ZFYVE9: variants seen among roughly 807,000 people sequenced by gnomAD.
ZFYVE9 encodes the protein zinc finger FYVE-type containing 9.
A neutral mutation model predicts 126.7 loss-of-function variants in ZFYVE9; 43 were observed. The ratio of observed to expected loss-of-function variants is 0.34; its 90% CI spans 0.27 to 0.44. The LOEUF (loss-of-function observed/expected upper bound fraction) is 0.44. ZFYVE9 is among the 20% of genes least tolerant of loss of function. ZFYVE9 has a pLI of 1.00. For synonymous variants in ZFYVE9, 521 were observed against 597.4 expected, an observed-to-expected ratio of 0.87 and a Z score of 1.87; for missense variants, 1,476 against 1,697.0, an observed-to-expected ratio of 0.87 and a Z score of 2.29.
In ZFYVE9 at chr1:52,233,245, C is replaced by CA. The variant is rs780578009; in HGVS notation, c.41dup (p.Val15GlyfsTer4). The CA allele has an allele frequency of 1.3e-6, 2 of 1,584,892 alleles. No homozygotes were observed. Among genetic ancestry groups the CA allele is most frequent in the African/African-American group, 2.7e-5 (2 of 74,270 alleles). ...TCCAAGCAGAAGCTTACAACCTGGA[C>CA]AAGGTGTTAGATGAATTTGAACAAA... On this transcript the variant is annotated frameshift_variant, in exon 3 of 19. Coordinates refer to ENST00000287727, the MANE Select transcript of ZFYVE9 (RefSeq NM_004799.4). LOFTEE classifies it high-confidence loss of function.
chr1:52,277,680 C>T (rs1645761414), intron 8 of ZFYVE9, among the ~76,000 whole-genome samples: 1 of 152,156 alleles, frequency 6.6e-6, no homozygotes, highest in Non-Finnish European at 1.5e-5. Context: ...ATAAGACCAA[C>T]CAAGCAACAT....
intron 13 of ZFYVE9, among the ~76,000 whole-genome samples, chr1:52,330,448 C>G (rs1444967252): frequency 6.6e-6 from 1 of 152,144 alleles, no homozygotes; most frequent in Non-Finnish European, 1.5e-5. Flanking sequence ...TACGGTATTT[C>G]CTGATTATAT....
intron 1 of ZFYVE9, chr1:52,179,860 C>G (rs559061843): frequency 1.4e-6 from 1 of 710,886 alleles, no homozygotes; most frequent in African/African-American, 1.8e-5. Flanking sequence ...AGGACCCCAA[C>G]GCAGACACTG....
intron 13 of ZFYVE9, among the ~76,000 whole-genome samples, chr1:52,325,942 C>A (rs1646287602): frequency 1.3e-5 from 2 of 152,192 alleles, no homozygotes; most frequent in Non-Finnish European, 1.5e-5. Flanking sequence ...GCAGCATAAT[C>A]ATTCATAGAA....
At chr1:52,182,240 T>C (rs1305445389) in intron 1 of ZFYVE9, among the ~76,000 whole-genome samples, 1 of 152,188 alleles carries the variant, frequency 6.6e-6, no homozygotes, top group Non-Finnish European at 1.5e-5. Context: ...CCACCCCGTC[T>C]GGGAGGTGTG....
chr1:52,283,448 C>T (rs548820983), intron 10 of ZFYVE9, among the ~76,000 whole-genome samples: 12 of 152,084 alleles, frequency 7.9e-5, no homozygotes, highest in Non-Finnish European at 1.2e-4. Context: ...GATCAAAGTC[C>T]GTGAGTCTGG....
chr1:52,184,630 C>T (rs867006397), intron 1 of ZFYVE9, among the ~76,000 whole-genome samples: 8 of 151,510 alleles, frequency 5.3e-5, no homozygotes, highest in Non-Finnish European at 1.0e-4. Flanking sequence ...GGTCCTCAAT[C>T]AGATACTTAA....
Position 52,263,860 on chromosome 1 carries a change from G to A in ZFYVE9, c.2266G>A (p.Val756Met). Residue 756 changes from valine to methionine, a missense_variant, in exon 5 of 19, where the codon GTG becomes ATG. By Grantham distance (21) the Val-to-Met change is conservative. Transcript: ENST00000287727. ...EARVCVICHS[V>M]LMNAQAWENM... ...TAGAGTGTGTGTAATCTGCCATTCA[G>A]TGCTAATGAATGGTAAGTATTAAAA... The A allele has an allele frequency of 6.3e-7, 1 of 1,581,396 alleles. No homozygotes were observed. Among genetic ancestry groups the A allele is most frequent in the Non-Finnish European group, 8.6e-7 (1 of 1,159,654 alleles).
intron 13 of ZFYVE9, among the ~76,000 whole-genome samples, chr1:52,314,501 G>C (rs1569737410): frequency 6.6e-6 from 1 of 152,158 alleles, no homozygotes; most frequent in Non-Finnish European, 1.5e-5. Context: ...GGCTAACATG[G>C]TGAAAGCCCC....
At chr1:52,338,558 TC>T (rs1167652919) in intron 16 of ZFYVE9, among the ~76,000 whole-genome samples, 1 of 152,226 alleles carries the variant, frequency 6.6e-6, no homozygotes, top group African/African-American at 2.4e-5. Context: ...GAACTTTGTA[TC>T]CTTTCTCAAA....
chr1:52,320,889 AT>A (rs537980060), intron 13 of ZFYVE9, among the ~76,000 whole-genome samples: 74 of 150,134 alleles, frequency 4.9e-4, no homozygotes, highest in South Asian at 1.7e-3. Context: ...AAAATACATC[AT>A]TTTTTTTTTC....
Position 52,288,465 on chromosome 1 carries a change from C to T in ZFYVE9, c.3026-4988C>T, listed in dbSNP as rs993702631. Among the ~76,000 whole-genome samples the T allele has an allele frequency of 2.0e-5, 3 of 152,130 alleles. No individual in the cohort carries two copies. In the South Asian group the frequency reaches 6.2e-4, roughly 31 times the overall value. On this transcript the variant is annotated intron_variant, in intron 10 of 18. Transcript: ENST00000287727. ...CAGGCATGAGTCACCTGACCTGGCT[C>T]CTCTTGAGCTTTCATGATCAATGTC...
chr1:52,175,156 C>A (rs1251247924), intron 1 of ZFYVE9, among the ~76,000 whole-genome samples: 2 of 151,950 alleles, frequency 1.3e-5, no homozygotes, highest in African/African-American at 2.4e-5. Context: ...TTGTTCCTTT[C>A]CATGTTTAGT....
chr1:52,144,595 A>G (rs1644291179), intron 1 of ZFYVE9, among the ~76,000 whole-genome samples: 1 of 151,588 alleles, frequency 6.6e-6, no homozygotes, highest in African/African-American at 2.4e-5. Context: ...TTCTAGCAAA[A>G]CTATAAGTCT....
intron 1 of ZFYVE9, among the ~76,000 whole-genome samples, chr1:52,188,973 TG>T (rs766971285): frequency 6.6e-6 from 1 of 152,114 alleles, no homozygotes; most frequent in Non-Finnish European, 1.5e-5. Context: ...AGTCTTGCTT[TG>T]TTGCCCACGT....
rs201294769 is a variant in ZFYVE9, at chr1:52,238,118, C to A, written c.701C>A (p.Ser234Tyr). The change falls in exon 4 of 19, where the codon TCT becomes TAT. Residue 234 changes from serine to tyrosine, a missense_variant. Physicochemically the swap from Ser to Tyr is moderately radical, Grantham distance 144. This residue lies in a region of ZFYVE9 where 807 missense variants were observed against 794.6 expected (regional missense o/e 1.02). Coordinates refer to ENST00000287727, the MANE Select transcript of ZFYVE9 (RefSeq NM_004799.4). Reference protein sequence around the residue: ...RSVNHLCPTSSDSLASVCSPS... With the variant: ...RSVNHLCPTSYDSLASVCSPS... ...GTTAACCATCTGTGTCCTACTTCAT[C>A]TGATAGTCTAGCCAGTGTCTGTTCC... The A allele has an allele frequency of 1.2e-6, 2 of 1,614,100 alleles. No individual in the cohort carries two copies. The highest frequency in any genetic ancestry group is 8.5e-7 in the Non-Finnish European group (1 of 1,179,964).
At chr1:52,298,096 G>A (rs1249965158) in intron 12 of ZFYVE9, among the ~76,000 whole-genome samples, 1 of 152,120 alleles carries the variant, frequency 6.6e-6, no homozygotes, top group Non-Finnish European at 1.5e-5. Context: ...CATTTCTGTA[G>A]GTTGTGTCTT....
chr1:52,300,099 T>C (rs1277106030), intron 12 of ZFYVE9, among the ~76,000 whole-genome samples: 2 of 152,176 alleles, frequency 1.3e-5, no homozygotes, highest in East Asian at 3.9e-4. Context: ...TCTGTGGTGC[T>C]ATCTGGGGCA....
intron 13 of ZFYVE9, among the ~76,000 whole-genome samples, chr1:52,316,380 G>A (rs1646185674): frequency 6.6e-6 from 1 of 150,964 alleles, no homozygotes; most frequent in South Asian, 2.1e-4. Flanking sequence ...AGCTACTCGG[G>A]AGGCTGAGGC....
Sources: gnomAD v4.1 joint callset for allele counts (sites outside exome capture counted in the v4.1 genomes callset) on GRCh38, gnomAD v4.1.1 for gene constraint, gnomAD v4.1.1 regional missense constraint, MANE v1.5 for transcripts, NCBI Gene and HGNC (gene_info 2026-07-23, HGNC 2026-07-21) for gene names.